VPS13D: variants seen among roughly 807,000 people sequenced by gnomAD.
VPS13D encodes vacuolar protein sorting 13 homolog D.
In VPS13D, 187 loss-of-function variants were observed where a neutral mutation model predicts 461.9. The observed-to-expected ratio is 0.40, with a 90% CI of 0.36 to 0.46. VPS13D has a LOEUF of 0.46. Ranked by LOEUF, VPS13D falls within the 20% of genes least tolerant of loss-of-function variation. VPS13D has a pLI of 0.60. For synonymous variants in VPS13D, 1,951 were observed against 1,986.3 expected (o/e 0.98, Z 0.47); for missense variants, 4,711 against 5,364.9 (o/e 0.88, Z 3.81).
chr1:12,413,445 C>T (rs1470486419), intron 63 of VPS13D, among the ~76,000 whole-genome samples: 2 of 152,128 alleles, frequency 1.3e-5, no homozygotes, highest in African/African-American at 4.8e-5. Flanking sequence ...TGTACTCCAG[C>T]CTGGGCAACA....
chr1:12,245,260 T>A (rs559500709), intron 5 of VPS13D, among the ~76,000 whole-genome samples: 127 of 152,374 alleles, frequency 8.3e-4, no homozygotes, highest in African/African-American at 3.0e-3. Flanking sequence ...CCATACTTAC[T>A]ACCTCTAGAA....
At chr1:12,259,242 G>GAA (rs1641023773) in intron 10 of VPS13D, among the ~76,000 whole-genome samples, 1 of 151,286 alleles carries the variant, frequency 6.6e-6, no homozygotes, top group African/African-American at 2.4e-5. Flanking sequence ...TCATCCTTCT[G>GAA]CCCAGGCTGG....
At chr1:12,237,412 G>A (rs1459738494) in intron 2 of VPS13D, among the ~76,000 whole-genome samples, 2 of 151,656 alleles carry the variant, frequency 1.3e-5, no homozygotes, top group Non-Finnish European at 2.9e-5. Flanking sequence ...AGGATCACTT[G>A]AGCTGGAGAG....
At chr1:12,387,482 C>T (rs1570066764) in intron 60 of VPS13D, among the ~76,000 whole-genome samples, 1 of 152,242 alleles carries the variant, frequency 6.6e-6, no homozygotes, top group East Asian at 1.9e-4. Flanking sequence ...TCACAACTGG[C>T]ACAGATGTTA....
chr1:12,261,981 C>G lies in VPS13D; in HGVS notation c.1495C>G (p.Leu499Val). ...YTKRDHVFAKLNLQLQRGTVT... is the reference protein window; with the variant it reads ...YTKRDHVFAKVNLQLQRGTVT... ...AAAGCGAGATCATGTCTTTGCCAAACTGAATTTGCAGTTGCAGCGAGGTAC... is the reference window on the plus strand; with the variant it reads ...AAAGCGAGATCATGTCTTTGCCAAAGTGAATTTGCAGTTGCAGCGAGGTAC... Residue 499 changes from leucine (L) to valine (V), a missense_variant, in exon 13 of 70, where the codon CTG becomes GTG. By Grantham distance (32) the Leu-to-Val change is conservative. Around this residue, in one of 3 missense-constraint regions of VPS13D, gnomAD observed 4,411 missense variants for 4,937.8 expected, o/e 0.89. Transcript: ENST00000620676. 5 of 1,614,156 alleles carry G rather than the reference C, an allele frequency of 3.1e-6. No homozygotes were observed. The highest frequency in any genetic ancestry group is 4.2e-6 in the Non-Finnish European group (5 of 1,180,018).
chr1:12,334,995 A>G (rs1051544704), intron 38 of VPS13D, among the ~76,000 whole-genome samples: 1 of 152,212 alleles, frequency 6.6e-6, no homozygotes, highest in African/African-American at 2.4e-5. Flanking sequence ...AATTAGTATA[A>G]AAGATCTTCA....
intron 62 of VPS13D, 82 bp downstream of exon 62, chr1:12,401,786 C>G: frequency 8.7e-7 from 1 of 1,148,406 alleles, no homozygotes. Flanking sequence ...AATAGGTAGC[C>G]CCTTGGTGTC....
In VPS13D at chr1:12,357,390, A is replaced by G. The variant is rs145993975; in HGVS notation, c.9998+866A>G. On this transcript the variant is annotated intron_variant, in intron 49 of 69. Transcript: ENST00000620676. ...GCCTCTTGGCATGTGCAGCCAGCCC[A>G]GTCTCATTCTTCTCCTGAAATGATT... Among the ~76,000 whole-genome samples, 139 of 152,344 alleles carry G rather than the reference A, an allele frequency of 9.1e-4. 1 individual carries two copies. In the East Asian group the frequency reaches 0.013, roughly 14 times the overall value.
intron 67 of VPS13D, among the ~76,000 whole-genome samples, chr1:12,463,089 A>G (rs866592218): frequency 6.6e-6 from 1 of 152,126 alleles, no homozygotes; most frequent in African/African-American, 2.4e-5. Context: ...AACAACAACA[A>G]AGTTTAACTG....
At chr1:12,401,992 AT>A (rs1484962310) in intron 62 of VPS13D, among the ~76,000 whole-genome samples, 4 of 152,144 alleles carry the variant, frequency 2.6e-5, no homozygotes, top group African/African-American at 9.7e-5. Flanking sequence ...TTTGCTTTGC[AT>A]TTTTTTGATT....
In VPS13D at chr1:12,356,575, G is replaced by T. The variant is rs191215677; in HGVS notation, c.9998+51G>T. 1.3e-4 allele frequency: 215 copies of T among 1,594,604 alleles called. 1 individual carries two copies. The Admixed American group carries it at 3.7e-3, about 28-fold the overall frequency. On this transcript the variant is annotated intron_variant, in intron 49 of 69. Transcript: ENST00000620676. ...GGAAATAAGCTCCCAGGGAAGGGAA[G>T]AAATTAGTAAAGGCTATAATATATC...
chr1:12,477,433 C>G (rs1432279975), intron 67 of VPS13D, among the ~76,000 whole-genome samples: 7 of 152,302 alleles, frequency 4.6e-5, no homozygotes, highest in African/African-American at 1.7e-4. Context: ...CAGTTAATCA[C>G]TTGGAGAGCC....
Position 12,401,675 on chromosome 1 carries a change from G to T in VPS13D, c.11852G>T (p.Ser3951Ile). 1 of 1,613,502 alleles carries T rather than the reference G, an allele frequency of 6.2e-7. No homozygotes were observed. The highest frequency in any genetic ancestry group is 8.5e-7 in the Non-Finnish European group (1 of 1,179,498). Reference protein sequence around the residue: ...IEEKLLLKLLSFFGYDQAESE... With the variant: ...IEEKLLLKLLIFFGYDQAESE... Reference sequence around the variant, plus strand: ...GAGAAACTGCTCCTCAAGCTGCTAAGTTTCTTTGGCTACGATCAAGCAGAA... The same window carrying T: ...GAGAAACTGCTCCTCAAGCTGCTAATTTTCTTTGGCTACGATCAAGCAGAA... The change falls in exon 62 of 70, where the codon AGT becomes ATT. Residue 3951 changes from serine (S) to isoleucine (I), a missense_variant. By Grantham distance (142) the Ser-to-Ile change is moderately radical. Transcript: ENST00000620676.
intron 68 of VPS13D, chr1:12,500,311 T>A: frequency 1.2e-6 from 1 of 860,984 alleles, no homozygotes; most frequent in Non-Finnish European, 1.4e-6. Context: ...TTGCTTCCCA[T>A]CTTTCTCAGT....
At chr1:12,433,726 A>ACCC (rs1645022755) in intron 65 of VPS13D, among the ~76,000 whole-genome samples, 2 of 152,162 alleles carry the variant, frequency 1.3e-5, no homozygotes, top group Non-Finnish European at 2.9e-5. Flanking sequence ...TGGGAGGAAG[A>ACCC]TACCAAACTC....
At chr1:12,412,454 A>T (rs1644741921) in intron 63 of VPS13D, among the ~76,000 whole-genome samples, 5 of 152,370 alleles carry the variant, frequency 3.3e-5, no homozygotes, top group African/African-American at 1.2e-4. Context: ...ATTAGTAGAA[A>T]GCAGAGCAAA....
intron 65 of VPS13D, among the ~76,000 whole-genome samples, chr1:12,418,827 G>C (rs1206303200): frequency 6.6e-6 from 1 of 152,156 alleles, no homozygotes; most frequent in African/African-American, 2.4e-5. Flanking sequence ...CTGAGAGTAG[G>C]AGAGTCAAAC....
chr1:12,365,658 C>T (rs1026976020), intron 52 of VPS13D, among the ~76,000 whole-genome samples: 5 of 150,078 alleles, frequency 3.3e-5, no homozygotes, highest in East Asian at 2.0e-4. Context: ...GACCCGAGAT[C>T]GTGCCGTTGC....
At chr1:12,481,446 G>A (rs773582437) in intron 67 of VPS13D, among the ~76,000 whole-genome samples, 35 of 152,262 alleles carry the variant, frequency 2.3e-4, no homozygotes, top group Non-Finnish European at 4.3e-4. Flanking sequence ...GCTTGTAGAG[G>A]CAAGACCTAC....
Sources: gnomAD v4.1 joint callset for allele counts (sites outside exome capture counted in the v4.1 genomes callset) on GRCh38, gnomAD v4.1.1 for gene constraint, gnomAD v4.1.1 regional missense constraint, MANE v1.5 for transcripts, NCBI Gene and HGNC (gene_info 2026-07-23, HGNC 2026-07-21) for gene names.